Variants in PKP1 observed in about 807,000 individuals in gnomAD.
The protein encoded by PKP1 is plakophilin-1.
A neutral mutation model predicts 76.4 loss-of-function variants in PKP1; 27 were observed. The ratio of observed to expected loss-of-function variants is 0.35; its 90% CI spans 0.26 to 0.49. The LOEUF (loss-of-function observed/expected upper bound fraction) is 0.49. PKP1 is among the 20% of genes least tolerant of loss of function. PKP1 has a pLI of 0.99. For missense variants in PKP1, 964 were observed against 955.2 expected, an observed-to-expected ratio of 1.01 and a Z score of -0.12; for synonymous variants, 404 against 384.2, an observed-to-expected ratio of 1.05 and a Z score of -0.60.
At chr1:201,313,641 G>T (rs970586764) in intron 3 of PKP1, 81 bp downstream of exon 3, 13 of 1,437,380 alleles carry the variant, frequency 9.0e-6, no homozygotes, top group Admixed American at 2.0e-5. Flanking sequence ...CCCTGCAAAG[G>T]GCTCCTGGGA....
chr1:201,298,639 G>C (rs1449320034), intron 2 of PKP1, among the ~76,000 whole-genome samples: 2 of 152,188 alleles, frequency 1.3e-5, no homozygotes, highest in African/African-American at 2.4e-5. Context: ...AATCCAGCCT[G>C]GCATGCCTAA....
In PKP1 at chr1:201,324,442, G is replaced by C; in HGVS notation, c.1695G>C (p.Met565Ile). 6.2e-7 allele frequency: 1 copy of C among 1,614,164 alleles called. No individual in the cohort carries two copies. The highest frequency in any genetic ancestry group is 1.1e-5 in the South Asian group (1 of 91,074). Reference sequence around the variant, plus strand: ...TTCTCTCTTAGATGTCCAGTGGCATGAGCCAGTTGATTGGGCTGAAGGAAA... The same window carrying C: ...TTCTCTCTTAGATGTCCAGTGGCATCAGCCAGTTGATTGGGCTGAAGGAAA... ...TASKGLMSSGMSQLIGLKEKG... is the reference protein window; with the variant it reads ...TASKGLMSSGISQLIGLKEKG... The change falls in exon 10 of 14, where the codon ATG becomes ATC. Residue 565 changes from methionine to isoleucine, a missense_variant. Transcript: ENST00000367324.
In PKP1 at chr1:201,320,334, A is replaced by G. The variant is rs1431831173; in HGVS notation, c.1300A>G (p.Met434Val). The change falls in exon 7 of 14, where the codon ATG becomes GTG. Residue 434 changes from methionine to valine, a missense_variant. Physicochemically the swap from Met to Val is conservative, Grantham distance 21 (BLOSUM62 1). Transcript: ENST00000367324. ...RNYSGLIDSL[M>V]AYVQNCVAAS... ...CTACTCAGGGCTCATTGATTCCCTC[A>G]TGGCCTATGTCCAGAACTGTGTAGC... The G allele has an allele frequency of 2.5e-6, 4 of 1,614,074 alleles. No homozygotes were observed. Among genetic ancestry groups the G allele is most frequent in the Non-Finnish European group, 3.4e-6 (4 of 1,179,936 alleles).
rs928865677 is a variant in PKP1 at position 201,290,348 on chromosome 1, C to T, written c.203-3594C>T. Among the ~76,000 whole-genome samples the T allele has an allele frequency of 5.6e-4, 85 of 152,124 alleles. 1 individual carries two copies. Among genetic ancestry groups the T allele is most frequent in the Admixed American group, 3.3e-4 (5 of 15,286 alleles). ...CTGAGGATGGCACACAGGTTGGGCA[C>T]ACTGTCAGTGTCACCGAGAAGCCAC... On this transcript the variant is annotated intron_variant, in intron 1 of 13. Coordinates refer to ENST00000367324, the MANE Select transcript of PKP1 (RefSeq NM_001005337.3).
chr1:201,320,430 C>T, intron 7 of PKP1, 49 bp downstream of exon 7: 2 of 1,255,320 alleles, frequency 1.6e-6, no homozygotes, highest in Non-Finnish European at 2.3e-6. Flanking sequence ...CAGCCCCCTA[C>T]ATTTTCTGGG....
In PKP1 at chr1:201,328,539, C is replaced by A. The variant is rs1023487; in HGVS notation, c.2107-223C>A. 0.27 allele frequency: 160,566 copies of A among 598,498 alleles called. 22,048 individuals are homozygous for A. The highest frequency in any genetic ancestry group is 0.31 in the Middle Eastern group (704 of 2,238). 37.1% of individuals were successfully genotyped at this position (598,498 alleles called of 1,614,324 possible). A position where few individuals can be genotyped will look rare whatever the true frequency, so the allele number is the denominator to read the frequency against. On this transcript the variant is annotated intron_variant, in intron 12 of 13. Coordinates refer to ENST00000367324, the MANE Select transcript of PKP1 (RefSeq NM_001005337.3). Reference sequence around the variant, plus strand: ...TCTGCAAATGCAAGTAGGAAATTCACATGTGTCAGTGGAAGTTCAAACACA... The same window carrying A: ...TCTGCAAATGCAAGTAGGAAATTCAAATGTGTCAGTGGAAGTTCAAACACA...
chr1:201,318,593 T>A, intron 5 of PKP1, 25 bp from the exon 6 acceptor site: 1 of 1,610,982 alleles, frequency 6.2e-7, no homozygotes. Flanking sequence ...TGGCACAAAT[T>A]GGGTTGATGG....
At chr1:201,319,736 G>A in intron 6 of PKP1, 1 of 1,406,906 alleles carries the variant, frequency 7.1e-7, no homozygotes, top group South Asian at 1.1e-5. Context: ...TGGGTGGAGA[G>A]GGAGCTTCTG....
At position 201,321,991 on chromosome 1, in the gene PKP1, G is replaced by A; in HGVS notation, c.1361G>A (p.Cys454Tyr). The change falls in exon 8 of 14, where the codon TGC (cysteine) becomes TAC (tyrosine). Residue 454 changes from cysteine to tyrosine, a missense_variant. By Grantham distance (194) the Cys-to-Tyr change is radical. Coordinates refer to ENST00000367324, the MANE Select transcript of PKP1 (RefSeq NM_001005337.3). ...CTTGGTCCCCAGTCTGTGGAAAACT[G>A]CATGTGTGTTCTGCACAACCTCTCC... ...SRCDDKSVEN[C>Y]MCVLHNLSYR... The A allele has an allele frequency of 6.2e-7, 1 of 1,614,058 alleles. No homozygotes were observed. The highest frequency in any genetic ancestry group is 1.1e-5 in the South Asian group (1 of 91,070).
chr1:201,293,893 G>A, intron 1 of PKP1, 49 bp from the exon 2 acceptor site: 1 of 1,245,502 alleles, frequency 8.0e-7, no homozygotes, highest in Non-Finnish European at 1.2e-6. Context: ...AACAGGGGTG[G>A]ATGAAGATCA....
chr1:201,287,966 C>G (rs763263041), intron 1 of PKP1, among the ~76,000 whole-genome samples: 3 of 152,240 alleles, frequency 2.0e-5, no homozygotes, highest in Non-Finnish European at 4.4e-5. Context: ...ATAGGTCACA[C>G]ATGCATATAT....
In PKP1 at chr1:201,283,549, C is replaced by A; in HGVS notation, c.-154C>A. ...ACCAGGGTGGAAGCGCCAGGAGCAG[C>A]TGCAGGGAGCCCTCACGCGGACCAC... On this transcript the variant is annotated 5_prime_UTR_variant, in exon 1 of 14. It adds an upstream start codon to the 5' untranslated region. Coordinates refer to ENST00000367324, the MANE Select transcript of PKP1 (RefSeq NM_001005337.3). 1 of 715,324 alleles carries A rather than the reference C, an allele frequency of 1.4e-6. No homozygotes were observed. The allele number at this position is 715,324 out of a possible 1,614,324, so 44.3% of individuals were successfully genotyped here. A position where few individuals can be genotyped will look rare whatever the true frequency, so the allele number is the denominator to read the frequency against.
In PKP1 at chr1:201,328,770, C is replaced by T. The variant is rs1211896686; in HGVS notation, c.2115C>T (p.Phe705=). 7.4e-6 allele frequency: 12 copies of T among 1,614,020 alleles called. No homozygotes were observed. Among genetic ancestry groups the T allele is most frequent in the South Asian group, 3.3e-5 (3 of 91,070 alleles). The change falls in exon 13 of 14, where the codon TTC becomes TTT. Residue 705 remains phenylalanine, a synonymous_variant. Coordinates refer to ENST00000367324, the MANE Select transcript of PKP1 (RefSeq NM_001005337.3). ...ELQGVLRQQG[F]DRNMLGTLAG... Reference sequence around the variant, plus strand: ...TGTTTCTCCCTTTGCAGCAAGGTTTCGATAGGAACATGCTGGGAACCTTAG... The same window carrying T: ...TGTTTCTCCCTTTGCAGCAAGGTTTTGATAGGAACATGCTGGGAACCTTAG...
At chr1:201,284,052 C>A in intron 1 of PKP1, 148 bp downstream of exon 1, 1 of 773,340 alleles carries the variant, frequency 1.3e-6, no homozygotes, top group Non-Finnish European at 2.2e-6. Context: ...CTAGTGCGAG[C>A]AGCCGAGCTC....
intron 2 of PKP1, among the ~76,000 whole-genome samples, chr1:201,301,413 C>T (rs897841334): frequency 1.4e-4 from 21 of 152,206 alleles, no homozygotes; most frequent in African/African-American, 5.1e-4. Flanking sequence ...CACTAATCAA[C>T]AACTAATCTT....
At position 201,332,278 on chromosome 1, in the gene PKP1, C is replaced by T. The variant is rs956252590; in HGVS notation, c.*2237C>T. The T allele has an allele frequency of 5.9e-5, 9 of 152,618 alleles. No individual in the cohort carries two copies. In the South Asian group the frequency reaches 6.2e-4, roughly 11 times the overall value. The allele number at this position is 152,618 out of a possible 1,614,324, so 9.5% of individuals were successfully genotyped here. Reference sequence around the variant, plus strand: ...CCCACCTTCAAAGAATGAAGAGCCCCATGGGCCCAGCCCCTGCCCTGGGAA... The same window carrying T: ...CCCACCTTCAAAGAATGAAGAGCCCTATGGGCCCAGCCCCTGCCCTGGGAA... On this transcript the variant is annotated 3_prime_UTR_variant, in exon 14 of 14. Coordinates refer to ENST00000367324, the MANE Select transcript of PKP1 (RefSeq NM_001005337.3).
At chr1:201,326,978 C>T (rs1657143910) in intron 12 of PKP1, among the ~76,000 whole-genome samples, 1 of 152,146 alleles carries the variant, frequency 6.6e-6, no homozygotes, top group Non-Finnish European at 1.5e-5. Context: ...ACCTAGAGGA[C>T]CAGGGGATGG....
At chr1:201,325,223 G>A in intron 11 of PKP1, 96 bp downstream of exon 11, 1 of 1,302,622 alleles carries the variant, frequency 7.7e-7, no homozygotes. Flanking sequence ...CATGGAGTAG[G>A]GGAAGCACCA....
intron 4 of PKP1, among the ~76,000 whole-genome samples, chr1:201,317,302 G>T (rs1571557569): frequency 6.6e-6 from 1 of 152,242 alleles, no homozygotes; most frequent in East Asian, 1.9e-4. Context: ...AAGAAAGCAG[G>T]ACTCAGGAAA....
Sources: gnomAD v4.1 joint callset for allele counts (sites outside exome capture counted in the v4.1 genomes callset) on GRCh38, gnomAD v4.1.1 for gene constraint, MANE v1.5 for transcripts, NCBI Gene and HGNC (gene_info 2026-07-23, HGNC 2026-07-21) for gene names.